The following PDE8B variants were observed in gnomAD, a reference collection of about 807,000 sequenced individuals.
PDE8B encodes high affinity cAMP-specific and IBMX-insensitive 3',5'-cyclic phosphodiesterase 8B.
PDE8B carries 26 observed loss-of-function variants against 101.3 expected under a neutral mutation model. That is an observed-to-expected ratio of 0.26 (90% CI 0.19 to 0.36). The LOEUF (loss-of-function observed/expected upper bound fraction) is 0.36, where lower values mean the gene tolerates loss of function less well. Ranked by LOEUF, PDE8B falls within the 10% of genes least tolerant of loss-of-function variation. The pLI is 1.00. For missense variants in PDE8B, 810 were observed against 1,163.1 expected (o/e 0.70, Z 4.42); for synonymous variants, 424 against 429.3 (o/e 0.99, Z 0.15).
chr5:77,113,832 A>C, the PDE8B span: 49 of 152,150 alleles, frequency 3.2e-4, no homozygotes, highest in African/African-American at 1.2e-3. Context: ...AAACAAAGAA[A>C]CCCATCAAAA....
chr5:77,148,209 A>G, the PDE8B span: 1 of 152,210 alleles, frequency 6.6e-6, no homozygotes, highest in Non-Finnish European at 1.5e-5. Flanking sequence ...TGTAATCTCA[A>G]AAGTTCACCC....
chr5:77,249,302 C>T (rs1315521846), intron 1 of PDE8B, among the ~76,000 whole-genome samples: 1 of 152,178 alleles, frequency 6.6e-6, no homozygotes, highest in Non-Finnish European at 1.5e-5. Context: ...CAAACACTGT[C>T]CACTTTAATT....
intron 2 of PDE8B, among the ~76,000 whole-genome samples, chr5:77,317,522 A>C (rs1328227690): frequency 6.6e-6 from 1 of 152,208 alleles, no homozygotes; most frequent in Non-Finnish European, 1.5e-5. Context: ...ATGGATTGGA[A>C]GTGCAGAGTG....
chr5:77,173,877 G>T, the PDE8B span, among the ~76,000 whole-genome samples: 1 of 152,102 alleles, frequency 6.6e-6, no homozygotes, highest in East Asian at 1.9e-4. Context: ...TTCTGTTAGG[G>T]AATAACTCTC....
the PDE8B span, among the ~76,000 whole-genome samples, chr5:77,155,921 G>T: frequency 6.6e-6 from 1 of 152,180 alleles, no homozygotes; most frequent in Non-Finnish European, 1.5e-5. Context: ...AAGGCCAGAA[G>T]TTAAGTCCTG....
chr5:77,399,456 T>C (rs903742735), intron 10 of PDE8B, among the ~76,000 whole-genome samples: 1 of 152,228 alleles, frequency 6.6e-6, no homozygotes, highest in African/African-American at 2.4e-5. Context: ...ACCCCATTCA[T>C]TGAGTGGCTA....
chr5:77,229,755 A>G (rs1476218972), intron 1 of PDE8B, among the ~76,000 whole-genome samples: 2 of 152,224 alleles, frequency 1.3e-5, no homozygotes, highest in Non-Finnish European at 2.9e-5. Context: ...ATTCTCATTG[A>G]AGTATATATC....
chr5:77,242,711 G>A (rs982604122), intron 1 of PDE8B, among the ~76,000 whole-genome samples: 3 of 151,668 alleles, frequency 2.0e-5, no homozygotes, highest in South Asian at 2.1e-4. Flanking sequence ...TCCCTCTGTC[G>A]CCCAGGCTGG....
the PDE8B span, among the ~76,000 whole-genome samples, chr5:77,181,326 A>G: frequency 6.6e-6 from 1 of 152,134 alleles, no homozygotes; most frequent in African/African-American, 2.4e-5. Flanking sequence ...CGCTTAGTGC[A>G]AGGGGGAAGC....
chr5:77,137,999 G>T, the PDE8B span, among the ~76,000 whole-genome samples: 1 of 151,908 alleles, frequency 6.6e-6, no homozygotes. Flanking sequence ...TATTAGGTTG[G>T]TACAAAAGTA....
At chr5:77,221,293 T>C (rs1420895053) in intron 1 of PDE8B, among the ~76,000 whole-genome samples, 1 of 152,198 alleles carries the variant, frequency 6.6e-6, no homozygotes, top group Non-Finnish European at 1.5e-5. Flanking sequence ...TTCTATATAC[T>C]TGCAGTTTGT....
chr5:77,297,665 C>T (rs1441314948), intron 1 of PDE8B, among the ~76,000 whole-genome samples: 4 of 152,172 alleles, frequency 2.6e-5, no homozygotes, highest in Non-Finnish European at 4.4e-5. Flanking sequence ...CTTTGTCCAC[C>T]TAGCAAAGCC....
chr5:77,087,422 G>T, the PDE8B span: 1 of 152,262 alleles, frequency 6.6e-6, no homozygotes, highest in East Asian at 1.9e-4. Flanking sequence ...TTACAACTTT[G>T]CATTAACCTT....
chr5:77,269,064 G>T (rs1762278003), intron 1 of PDE8B, among the ~76,000 whole-genome samples: 1 of 151,818 alleles, frequency 6.6e-6, no homozygotes, highest in African/African-American at 2.4e-5. Flanking sequence ...CTTCATAGTG[G>T]TTGTACTGTA....
chr5:77,151,697 G>T, the PDE8B span, among the ~76,000 whole-genome samples: 2 of 152,164 alleles, frequency 1.3e-5, no homozygotes, highest in South Asian at 4.1e-4. Flanking sequence ...AAGCAAGCAA[G>T]GGGGAGAAAA....
At chr5:77,157,355 G>A in the PDE8B span, among the ~76,000 whole-genome samples, 1 of 152,330 alleles carries the variant, frequency 6.6e-6, no homozygotes, top group Admixed American at 6.5e-5. Context: ...TGAAACACCG[G>A]AGTGTGGGGA....
At chr5:77,337,971 G>T (rs1443135245) in intron 6 of PDE8B, among the ~76,000 whole-genome samples, 1 of 152,146 alleles carries the variant, frequency 6.6e-6, no homozygotes, top group African/African-American at 2.4e-5. Flanking sequence ...GCCTGGTTTT[G>T]CTCAGGCTCC....
chr5:77,406,529 C>A (rs556917464), intron 12 of PDE8B, among the ~76,000 whole-genome samples: 2 of 152,338 alleles, frequency 1.3e-5, no homozygotes, highest in African/African-American at 4.8e-5. Flanking sequence ...GGACTGTCTT[C>A]TTTCCAGTAC....
At chr5:77,115,140 G>C in the PDE8B span, 1 of 152,102 alleles carries the variant, frequency 6.6e-6, no homozygotes, top group East Asian at 1.9e-4. Flanking sequence ...GTGATAAAGA[G>C]AAAGAGAGTG....
Sources: allele counts gnomAD v4.1 joint callset (sites outside exome capture counted in the v4.1 genomes callset), GRCh38; gene constraint gnomAD v4.1.1; transcripts MANE v1.5; gene names NCBI Gene and HGNC (gene_info 2026-07-23, HGNC 2026-07-21).